Variants in PTPRK observed in about 807,000 individuals in gnomAD.
The protein encoded by PTPRK is protein tyrosine phosphatase receptor type K, also known as receptor-type tyrosine-protein phosphatase kappa.
A neutral mutation model predicts 178.0 loss-of-function variants in PTPRK; 75 were observed. The observed-to-expected ratio is 0.42, with a 90% CI of 0.35 to 0.51. The LOEUF (loss-of-function observed/expected upper bound fraction) is 0.51, where lower values mean the gene tolerates loss of function less well. Ranked by LOEUF, PTPRK falls within the 20% of genes least tolerant of loss-of-function variation. PTPRK has a pLI of 0.02. For missense variants in PTPRK, 1,441 were observed against 1,797.8 expected (o/e 0.80, Z 3.59); for synonymous variants, 637 against 620.6 (o/e 1.03, Z -0.39).
chr6:128,263,423 G>A (rs1818473864), intron 3 of PTPRK, among the ~76,000 whole-genome samples: 1 of 152,064 alleles, frequency 6.6e-6, no homozygotes, highest in South Asian at 2.1e-4. Context: ...GATTTCAGAG[G>A]TAGAAATGCT....
intron 18 of PTPRK, 84 bp downstream of exon 18, chr6:127,995,378 A>G (rs1777034141): frequency 1.3e-6 from 2 of 1,503,366 alleles, no homozygotes; most frequent in African/African-American, 1.4e-5. Flanking sequence ...TTAAAAAGCT[A>G]GCAATCACTT....
chr6:128,212,688 A>G (rs1421799997), intron 6 of PTPRK, among the ~76,000 whole-genome samples: 2 of 152,060 alleles, frequency 1.3e-5, no homozygotes, highest in Admixed American at 1.3e-4. Context: ...CGAAAGCTTC[A>G]TCAAAAGCAA....
At position 128,435,082 on chromosome 6, in the gene PTPRK, AAGGAAGGAAGGAAGGAAGGAAGGAAGGC is replaced by A. The variant is rs1562515167; in HGVS notation, c.101-37422_101-37395del. 8.0e-4 allele frequency among the ~76,000 whole-genome samples: 86 copies of A among 107,682 alleles called. 2 individuals are homozygous for A. The highest frequency in any genetic ancestry group is 1.8e-3 in the African/African-American group (36 of 20,082). 70.6% of individuals were successfully genotyped at this position (107,682 alleles called of 152,430 possible). ...GAAGGAAGGAAGGAAGGAAGGAAGGAAGGAAGGAAGGAAGGAAGGAAGGAAGGCAGGAAGGCAGGCAGGAAGGCAGGCA... is the reference window on the plus strand; with the variant it reads ...GAAGGAAGGAAGGAAGGAAGGAAGGAAGGAAGGCAGGCAGGAAGGCAGGCA... On this transcript the variant is annotated intron_variant, in intron 1 of 29. Transcript: ENST00000368226.
intron 13 of PTPRK, among the ~76,000 whole-genome samples, chr6:128,019,432 ATT>A (rs1003318513): frequency 1.3e-5 from 2 of 152,126 alleles, no homozygotes; most frequent in African/African-American, 4.8e-5. Flanking sequence ...ATACACATAA[ATT>A]GGCAGTCAGT....
chr6:128,025,405 C>T (rs1204203553), intron 13 of PTPRK, among the ~76,000 whole-genome samples: 1 of 152,172 alleles, frequency 6.6e-6, no homozygotes, highest in African/African-American at 2.4e-5. Context: ...AATAAGTAAA[C>T]ACATTTAAAT....
At chr6:128,020,048 A>G (rs1362572285) in intron 13 of PTPRK, among the ~76,000 whole-genome samples, 1 of 152,210 alleles carries the variant, frequency 6.6e-6, no homozygotes, top group Non-Finnish European at 1.5e-5. Flanking sequence ...AATAATAAAA[A>G]TCAGAGAATA....
intron 7 of PTPRK, among the ~76,000 whole-genome samples, chr6:128,124,329 T>A (rs540603723): frequency 5.8e-4 from 88 of 152,208 alleles, no homozygotes; most frequent in Non-Finnish European, 8.2e-4. Context: ...ATTACAGGCG[T>A]GAGCCACCAT....
At position 128,184,623 on chromosome 6, in the gene PTPRK, A is replaced by G. The variant is rs267600798; in HGVS notation, c.971T>C (p.Ile324Thr). The part of the protein sequence containing the change: ...ANSIIGDGPI[I>T]LKEVEYRMTS... Reference sequence around the variant, plus strand: ...CATTCGGTACTCTACTTCTTTCAGGATGATAGGACCATCGCCAATGATCGA... The same window carrying G: ...CATTCGGTACTCTACTTCTTTCAGGGTGATAGGACCATCGCCAATGATCGA... Residue 324 changes from isoleucine to threonine, a missense_variant, in exon 7 of 30, where the codon ATC becomes ACC. Around this residue, in one of 4 missense-constraint regions of PTPRK, gnomAD observed 945 missense variants for 1,080.6 expected, o/e 0.87. Transcript: ENST00000368226. 2 of 1,614,034 alleles carry G rather than the reference A, an allele frequency of 1.2e-6. No homozygotes were observed. Among genetic ancestry groups the G allele is most frequent in the Non-Finnish European group, 1.7e-6 (2 of 1,179,956 alleles).
chr6:128,203,795 C>T (rs1437874313), intron 6 of PTPRK, among the ~76,000 whole-genome samples: 1 of 152,174 alleles, frequency 6.6e-6, no homozygotes, highest in East Asian at 1.9e-4. Context: ...AAATGGGAAA[C>T]ATTCCATGCT....
intron 5 of PTPRK, among the ~76,000 whole-genome samples, chr6:128,225,263 T>C (rs890544864): frequency 1.3e-5 from 2 of 152,174 alleles, no homozygotes; most frequent in African/African-American, 4.8e-5. Flanking sequence ...GACATAATGA[T>C]ATATGATTCT....
chr6:128,369,311 C>T (rs1186088076), intron 2 of PTPRK, among the ~76,000 whole-genome samples: 1 of 151,990 alleles, frequency 6.6e-6, no homozygotes, highest in Admixed American at 6.6e-5. Flanking sequence ...GAAAATATTC[C>T]ATATGTAAAT....
intron 4 of PTPRK, 32 bp from the exon 5 acceptor site, chr6:128,240,182 T>G (rs764055663): frequency 1.3e-6 from 2 of 1,484,062 alleles, no homozygotes; most frequent in Non-Finnish European, 9.4e-7. Context: ...AATGTATTTG[T>G]TTTCACATGA....
intron 6 of PTPRK, among the ~76,000 whole-genome samples, chr6:128,196,957 T>G (rs1211929393): frequency 6.6e-6 from 1 of 152,102 alleles, no homozygotes; most frequent in Non-Finnish European, 1.5e-5. Context: ...CTGAAAATAT[T>G]ACCTCAATCA....
chr6:128,500,884 C>A (rs1562649841), intron 1 of PTPRK: 1 of 152,302 alleles, frequency 6.6e-6, no homozygotes, highest in Non-Finnish European at 1.5e-5. Context: ...TGGGCTCAAG[C>A]AATCCTCCTG....
intron 7 of PTPRK, among the ~76,000 whole-genome samples, chr6:128,100,536 GC>G (rs1217595598): frequency 6.6e-6 from 1 of 151,872 alleles, no homozygotes; most frequent in Non-Finnish European, 1.5e-5. Context: ...CATTAGGGGA[GC>G]CTAATATTTT....
chr6:128,432,292 A>G (rs1172911529), intron 1 of PTPRK, among the ~76,000 whole-genome samples: 1 of 152,236 alleles, frequency 6.6e-6, no homozygotes, highest in East Asian at 1.9e-4. Context: ...AAAACCTGAT[A>G]CAATTAAATC....
At chr6:128,174,915 T>G (rs780571951) in intron 7 of PTPRK, among the ~76,000 whole-genome samples, 39 of 152,040 alleles carry the variant, frequency 2.6e-4, no homozygotes, top group Admixed American at 1.4e-3. Context: ...TTCTAACCAT[T>G]CTGGGCAGCT....
chr6:128,205,892 C>T (rs1419129700), intron 6 of PTPRK, among the ~76,000 whole-genome samples: 1 of 149,688 alleles, frequency 6.7e-6, no homozygotes, highest in Admixed American at 6.7e-5. Flanking sequence ...AGATAAGTCA[C>T]ATTTCCAGAT....
At chr6:128,119,102 G>A (rs111407105) in intron 7 of PTPRK, among the ~76,000 whole-genome samples, 3,911 of 152,048 alleles carry the variant, frequency 0.026, 75 homozygotes, top group Middle Eastern at 0.092. Context: ...TCACCTATTG[G>A]CTAAATAACA....
Sources: allele counts gnomAD v4.1 joint callset (sites outside exome capture counted in the v4.1 genomes callset), GRCh38; gene constraint gnomAD v4.1.1; regional missense constraint gnomAD v4.1.1; transcripts MANE v1.5; gene names NCBI Gene and HGNC (gene_info 2026-07-23, HGNC 2026-07-21).